PABPC4L: variants seen among roughly 807,000 people sequenced by gnomAD.
The protein encoded by PABPC4L is polyadenylate-binding protein 4-like.
For missense variants in PABPC4L, 452 were observed against 451.4 expected, an observed-to-expected ratio of 1.00 and a Z score of -0.01; for synonymous variants, 169 against 164.1, an observed-to-expected ratio of 1.03 and a Z score of -0.23.
chr4:134,001,821 A>G, the PABPC4L span, among the ~76,000 whole-genome samples: 2 of 152,112 alleles, frequency 1.3e-5, no homozygotes, highest in Non-Finnish European at 2.9e-5. Flanking sequence ...ATCTATAGTA[A>G]CCAATGTGTG....
At chr4:134,003,271 A>G in the PABPC4L span, among the ~76,000 whole-genome samples, 1 of 151,980 alleles carries the variant, frequency 6.6e-6, no homozygotes, top group Non-Finnish European at 1.5e-5. Context: ...TCACATGTCC[A>G]TTAGAAACAC....
the PABPC4L span, among the ~76,000 whole-genome samples, chr4:134,106,796 C>CA: frequency 1.3e-5 from 2 of 151,214 alleles, no homozygotes; most frequent in Admixed American, 6.6e-5. Flanking sequence ...TTCTGATACT[C>CA]AAAAAAATGC....
Position 134,200,661 on chromosome 4 carries a change from GC to G in PABPC4L, c.358del (p.Ala120LeufsTer10). ...CTTGGAGGAAAGGATCTTTCCAAAAGCTGAAAAATGTTCATAAAGGGTTTTG... is the reference window on the plus strand; with the variant it reads ...CTTGGAGGAAAGGATCTTTCCAAAAGTGAAAAATGTTCATAAAGGGTTTTG... ...DNKTLYEHFS[A>X]FGKILSSKVM... On this transcript the variant is annotated frameshift_variant, in exon 2 of 2. Transcript: ENST00000421491. LOFTEE classifies it low-confidence loss of function (END_TRUNC). 1.3e-6 allele frequency: 2 copies of G among 1,551,654 alleles called. No individual in the cohort carries two copies. The highest frequency in any genetic ancestry group is 1.7e-4 in the Middle Eastern group (1 of 5,992).
the PABPC4L span, among the ~76,000 whole-genome samples, chr4:134,076,226 G>C: frequency 3.3e-5 from 5 of 152,100 alleles, no homozygotes; most frequent in African/African-American, 9.7e-5. Flanking sequence ...AAGGAAAAAG[G>C]GTCTGAAAGT....
chr4:133,970,860 C>T, the PABPC4L span, among the ~76,000 whole-genome samples: 10 of 152,092 alleles, frequency 6.6e-5, no homozygotes, highest in Admixed American at 6.6e-5. Flanking sequence ...AGAAAGCAAG[C>T]CCTGACCAGA....
chr4:134,021,488 C>T, the PABPC4L span, among the ~76,000 whole-genome samples: 8 of 152,098 alleles, frequency 5.3e-5, no homozygotes, highest in Admixed American at 2.6e-4. Context: ...TCAGAAAGGT[C>T]CTGGGACAGA....
At chr4:134,070,339 C>T in the PABPC4L span, among the ~76,000 whole-genome samples, 4 of 152,008 alleles carry the variant, frequency 2.6e-5, no homozygotes, top group African/African-American at 4.8e-5. Flanking sequence ...GCATGTGCAT[C>T]GGCTGTGGTG....
At chr4:134,007,412 G>C in the PABPC4L span, among the ~76,000 whole-genome samples, 1 of 151,218 alleles carries the variant, frequency 6.6e-6, no homozygotes, top group African/African-American at 2.4e-5. Context: ...ATTATTCCTA[G>C]TACTACTTCT....
the PABPC4L span, among the ~76,000 whole-genome samples, chr4:134,058,593 T>C: frequency 6.6e-6 from 1 of 152,024 alleles, no homozygotes; most frequent in South Asian, 2.1e-4. Flanking sequence ...AGCAGTTTGG[T>C]AATATGATAT....
chr4:134,010,405 A>T, the PABPC4L span, among the ~76,000 whole-genome samples: 6 of 152,130 alleles, frequency 3.9e-5, no homozygotes, highest in African/African-American at 1.4e-4. Context: ...TATTTTGAAC[A>T]TTCTGACGTA....
chr4:134,077,126 G>T, the PABPC4L span, among the ~76,000 whole-genome samples: 3 of 151,992 alleles, frequency 2.0e-5, no homozygotes, highest in African/African-American at 7.2e-5. Context: ...ATGTTTATGG[G>T]TATATATGTG....
chr4:134,125,010 C>A, the PABPC4L span, among the ~76,000 whole-genome samples: 1 of 152,064 alleles, frequency 6.6e-6, no homozygotes, highest in East Asian at 1.9e-4. Flanking sequence ...GTAATCTGAT[C>A]TGTGCATATA....
the PABPC4L span, among the ~76,000 whole-genome samples, chr4:133,961,567 T>C: frequency 8.1e-4 from 124 of 152,264 alleles, no homozygotes; most frequent in African/African-American, 2.9e-3. Flanking sequence ...GGTCAGGATA[T>C]AAACCCCGGC....
At chr4:134,035,090 G>A in the PABPC4L span, among the ~76,000 whole-genome samples, 98 of 152,074 alleles carry the variant, frequency 6.4e-4, no homozygotes, top group African/African-American at 2.3e-3. Flanking sequence ...AGTCATCAAC[G>A]TGGAGACAAA....
At chr4:133,989,159 G>T in the PABPC4L span, among the ~76,000 whole-genome samples, 3 of 152,196 alleles carry the variant, frequency 2.0e-5, no homozygotes, top group South Asian at 4.1e-4. Flanking sequence ...TGCAATGAAG[G>T]TCTCTGATAT....
At chr4:134,108,157 A>T in the PABPC4L span, among the ~76,000 whole-genome samples, 1 of 151,732 alleles carries the variant, frequency 6.6e-6, no homozygotes, top group Admixed American at 6.6e-5. Flanking sequence ...ATACAGAAAA[A>T]GGTACATATG....
chr4:134,193,307 T>C (rs1266106427), downstream of PABPC4L, among the ~76,000 whole-genome samples: 1 of 151,812 alleles, frequency 6.6e-6, no homozygotes, highest in Non-Finnish European at 1.5e-5. Context: ...AGATCAGATA[T>C]CCCACAAATA....
chr4:134,122,095 T>A, the PABPC4L span, among the ~76,000 whole-genome samples: 1 of 151,814 alleles, frequency 6.6e-6, no homozygotes, highest in Non-Finnish European at 1.5e-5. Flanking sequence ...CACTACCATA[T>A]CCAGAAGTAA....
At chr4:134,065,387 G>A in the PABPC4L span, among the ~76,000 whole-genome samples, 2 of 152,132 alleles carry the variant, frequency 1.3e-5, no homozygotes, top group South Asian at 4.1e-4. Flanking sequence ...CTGTACGTAT[G>A]TCTTCTTTTG....
Sources: gnomAD v4.1 joint callset for allele counts (sites outside exome capture counted in the v4.1 genomes callset) on GRCh38, gnomAD v4.1.1 for gene constraint, MANE v1.5 for transcripts, NCBI Gene and HGNC (gene_info 2026-07-23, HGNC 2026-07-21) for gene names.